PPP6C: variants seen among roughly 807,000 people sequenced by gnomAD.
PPP6C encodes protein phosphatase 6 catalytic subunit, also known as serine/threonine-protein phosphatase 6 catalytic subunit.
PPP6C carries 11 observed loss-of-function variants against 39.8 expected under a neutral mutation model. The observed-to-expected ratio is 0.28, with a 90% CI of 0.17 to 0.46. The LOEUF is 0.46. Ranked by LOEUF, PPP6C falls within the 20% of genes least tolerant of loss-of-function variation. The probability of loss-of-function intolerance (pLI) is 1.00; values close to 1 mark genes in which losing one functional copy is unlikely to be tolerated. For missense variants in PPP6C, 211 were observed against 373.9 expected, an observed-to-expected ratio of 0.56 and a Z score of 3.59; for synonymous variants, 129 against 130.3, an observed-to-expected ratio of 0.99 and a Z score of 0.07.
chr9:125,150,898 A>G, intron 6 of PPP6C: 1 of 879,152 alleles, frequency 1.1e-6, no homozygotes, highest in Non-Finnish European at 1.9e-6. Flanking sequence ...TCAGCGAGCC[A>G]GCTTACTGCA....
At chr9:125,179,940 G>A (rs916924631) in intron 1 of PPP6C, among the ~76,000 whole-genome samples, 1 of 152,100 alleles carries the variant, frequency 6.6e-6, no homozygotes, top group Non-Finnish European at 1.5e-5. Context: ...ACAAGTGTGA[G>A]CATCACACCC....
chr9:125,186,235 T>C (rs1313193460), intron 1 of PPP6C, among the ~76,000 whole-genome samples: 4 of 152,026 alleles, frequency 2.6e-5, no homozygotes, highest in Admixed American at 6.5e-5. Context: ...TCAGAAAAAG[T>C]ACTCCTGGCA....
Position 125,189,771 on chromosome 9 carries a change from G to GGCGGCA in PPP6C, c.-59_-54dup, listed in dbSNP as rs1304245894. On this transcript the variant is annotated 5_prime_UTR_variant, in exon 1 of 7. Coordinates refer to ENST00000373547, the MANE Select transcript of PPP6C (RefSeq NM_002721.5). ...CGGCGGCGGCGGCTGTAGCAGCGGC[G>GGCGGCA]GCGGCAGCGGCGGAGGCCGAAGCCG... The GGCGGCA allele has an allele frequency of 6.5e-6, 10 of 1,536,606 alleles. No homozygotes were observed. Among genetic ancestry groups the GGCGGCA allele is most frequent in the Admixed American group, 6.2e-5 (3 of 48,110 alleles).
chr9:125,158,961 G>A (rs1268144160), intron 3 of PPP6C, among the ~76,000 whole-genome samples: 6 of 151,020 alleles, frequency 4.0e-5, no homozygotes. Flanking sequence ...ACCACACCTG[G>A]CAAAACCACC....
chr9:125,162,405 C>T (rs1484041848), intron 2 of PPP6C, among the ~76,000 whole-genome samples: 2 of 143,786 alleles, frequency 1.4e-5, no homozygotes, highest in East Asian at 4.1e-4. Context: ...TTGCAGTGAG[C>T]CAAGATCATG....
intron 1 of PPP6C, among the ~76,000 whole-genome samples, chr9:125,187,621 T>G (rs1829557549): frequency 6.6e-6 from 1 of 151,812 alleles, no homozygotes; most frequent in African/African-American, 2.4e-5. Context: ...AAACACAAAG[T>G]TCAAAAAAGC....
intron 2 of PPP6C, among the ~76,000 whole-genome samples, chr9:125,169,089 A>T (rs1050147199): frequency 1.3e-5 from 2 of 152,222 alleles, no homozygotes; most frequent in Admixed American, 6.6e-5. Context: ...CATACAACAT[A>T]AACAATTGTT....
intron 1 of PPP6C, among the ~76,000 whole-genome samples, chr9:125,177,935 A>T (rs1202213052): frequency 6.6e-6 from 1 of 152,150 alleles, no homozygotes; most frequent in Admixed American, 6.6e-5. Context: ...TCTTTCATTT[A>T]GTAATATGTA....
Position 125,149,471 on chromosome 9 carries a change from T to C in PPP6C, c.*202A>G. ...AAATGAGTCCAGGGTGGGGATGGGA[T>C]GGGGGAAAATTGATAGAAAAACTTT... is the stretch of plus-strand genomic sequence containing the variant. On this transcript the variant is annotated 3_prime_UTR_variant, in exon 7 of 7. Transcript: ENST00000373547. 1 of 571,476 alleles carries C rather than the reference T, an allele frequency of 1.7e-6. No individual in the cohort carries two copies. The highest frequency in any genetic ancestry group is 2.9e-6 in the Non-Finnish European group (1 of 345,046). 35.4% of individuals were successfully genotyped at this position (571,476 alleles called of 1,614,324 possible). A position where few individuals can be genotyped will look rare whatever the true frequency, so the allele number is the denominator to read the frequency against.
At chr9:125,151,068 G>C in intron 6 of PPP6C, 1 of 1,334,100 alleles carries the variant, frequency 7.5e-7, no homozygotes, top group Non-Finnish European at 1.1e-6. Flanking sequence ...ATAACCCAGT[G>C]GACTATCTGT....
intron 5 of PPP6C, 73 bp downstream of exon 5, chr9:125,153,833 A>G: frequency 6.5e-7 from 1 of 1,527,228 alleles, no homozygotes; most frequent in South Asian, 1.1e-5. Context: ...TATAATTGAG[A>G]TGACAACTAG....
At chr9:125,171,470 C>T (rs10667971) in intron 1 of PPP6C, among the ~76,000 whole-genome samples, 1,701 of 24,314 alleles carry the variant, frequency 0.07, 18 homozygotes, top group East Asian at 0.21. Flanking sequence ...TACACACACA[C>T]ACACACACAT....
intron 1 of PPP6C, among the ~76,000 whole-genome samples, chr9:125,174,782 C>T (rs1829259721): frequency 6.6e-6 from 1 of 151,968 alleles, no homozygotes; most frequent in African/African-American, 2.4e-5. Context: ...AGTAGAGGCA[C>T]GTACCTGTAA....
intron 2 of PPP6C, among the ~76,000 whole-genome samples, chr9:125,164,593 AT>A (rs1564150974): frequency 6.6e-6 from 1 of 151,860 alleles, no homozygotes; most frequent in African/African-American, 2.4e-5. Flanking sequence ...TAAGAAGTAG[AT>A]TTTTTTCTTT....
In PPP6C at chr9:125,146,813, A is replaced by G. The variant is rs1426996871; in HGVS notation, c.*2860T>C. ...GTCAAATCTCTTCGACTCCAGATACACAATTTCCTGGAAGCTGATGGAAAG... is the reference window on the plus strand; with the variant it reads ...GTCAAATCTCTTCGACTCCAGATACGCAATTTCCTGGAAGCTGATGGAAAG... On this transcript the variant is annotated 3_prime_UTR_variant, in exon 7 of 7. Transcript: ENST00000373547. The G allele has an allele frequency of 6.6e-6, 1 of 152,228 alleles. No individual in the cohort carries two copies. The highest frequency in any genetic ancestry group is 1.5e-5 in the Non-Finnish European group (1 of 68,036). The allele number at this position is 152,228 out of a possible 1,614,324, so 9.4% of individuals were successfully genotyped here.
chr9:125,182,319 T>C (rs1433094111), intron 1 of PPP6C, among the ~76,000 whole-genome samples: 2 of 152,094 alleles, frequency 1.3e-5, no homozygotes, highest in African/African-American at 4.8e-5. Context: ...TACATACTGG[T>C]ATTTATAAAA....
intron 4 of PPP6C, among the ~76,000 whole-genome samples, chr9:125,156,570 C>A (rs1327349261): frequency 6.6e-6 from 1 of 152,144 alleles, no homozygotes; most frequent in Non-Finnish European, 1.5e-5. Context: ...CCACACCTGG[C>A]CCAGCCTATC....
At chr9:125,171,746 G>C (rs955124921) in intron 1 of PPP6C, among the ~76,000 whole-genome samples, 1 of 151,532 alleles carries the variant, frequency 6.6e-6, no homozygotes, top group Non-Finnish European at 1.5e-5. Flanking sequence ...TAGACACAGG[G>C]TTTTACCATG....
intron 1 of PPP6C, among the ~76,000 whole-genome samples, chr9:125,176,615 C>G (rs1829303227): frequency 6.6e-6 from 1 of 152,148 alleles, no homozygotes; most frequent in African/African-American, 2.4e-5. Context: ...TGAGACTGTG[C>G]CACTGCACTC....
Sources: gnomAD v4.1 joint callset for allele counts (sites outside exome capture counted in the v4.1 genomes callset) on GRCh38, gnomAD v4.1.1 for gene constraint, MANE v1.5 for transcripts, NCBI Gene and HGNC (gene_info 2026-07-23, HGNC 2026-07-21) for gene names.